ADARB2: variants seen among roughly 807,000 people sequenced by gnomAD.
ADARB2 encodes adenosine deaminase RNA specific B2 (inactive), also known as inactive double-stranded RNA-specific editase B2.
Under a neutral mutation model 62.2 loss-of-function variants are expected in ADARB2, and 25 were observed. The ratio of observed to expected loss-of-function variants is 0.40; its 90% CI spans 0.29 to 0.56. The LOEUF is 0.56. ADARB2 is among the 20% of genes least tolerant of loss of function. The pLI, the probability that ADARB2 is intolerant of heterozygous loss-of-function variation, is 0.43. For synonymous variants in ADARB2, 572 were observed against 500.8 expected, an observed-to-expected ratio of 1.14 and a Z score of -1.90; for missense variants, 1,071 against 1,077.4, an observed-to-expected ratio of 0.99 and a Z score of 0.08.
intron 1 of ADARB2, among the ~76,000 whole-genome samples, chr10:1,544,023 A>C (rs1588295702): frequency 1.4e-5 from 2 of 144,760 alleles, no homozygotes; most frequent in African/African-American, 5.0e-5. Flanking sequence ...ACAAACAAAA[A>C]AAAAAACACA....
At chr10:1,594,151 A>G (rs867241492) in intron 1 of ADARB2, among the ~76,000 whole-genome samples, 30 of 152,096 alleles carry the variant, frequency 2.0e-4, no homozygotes, top group African/African-American at 2.4e-4. Context: ...TTAGCCAGGC[A>G]TGGTGGCGGG....
chr10:1,718,112 AC>A (rs1173814216), intron 1 of ADARB2, among the ~76,000 whole-genome samples: 2 of 152,222 alleles, frequency 1.3e-5, no homozygotes. Context: ...AGGCACAAAC[AC>A]AGCAGCAACA....
At chr10:1,246,992 ATCC>A (rs1302559234) in intron 4 of ADARB2, among the ~76,000 whole-genome samples, 1 of 151,950 alleles carries the variant, frequency 6.6e-6, no homozygotes, top group Non-Finnish European at 1.5e-5. Context: ...ATTTGTTTGT[ATCC>A]TCCTTTATTT....
intron 1 of ADARB2, among the ~76,000 whole-genome samples, chr10:1,636,603 A>G (rs1833919737): frequency 6.6e-6 from 1 of 152,064 alleles, no homozygotes; most frequent in African/African-American, 2.4e-5. Context: ...TCATGCCACC[A>G]GTAATGCCAA....
chr10:1,470,679 A>G (rs1363695001), intron 1 of ADARB2, among the ~76,000 whole-genome samples: 2 of 152,372 alleles, frequency 1.3e-5, no homozygotes, highest in East Asian at 3.9e-4. Context: ...TGATCATTAG[A>G]TGTAAAAATA....
intron 1 of ADARB2, among the ~76,000 whole-genome samples, chr10:1,391,315 G>A (rs898355128): frequency 1.3e-5 from 2 of 152,218 alleles, no homozygotes; most frequent in Non-Finnish European, 1.5e-5. Flanking sequence ...AGGGACCTGT[G>A]CACTAGGGGA....
chr10:1,414,095 G>A (rs1049520684), intron 1 of ADARB2, among the ~76,000 whole-genome samples: 21 of 152,172 alleles, frequency 1.4e-4, no homozygotes, highest in Admixed American at 1.3e-4. Flanking sequence ...CGGCTCAGGG[G>A]GCTGCCCTGC....
chr10:1,240,642 G>C (rs533346813), intron 5 of ADARB2: 1 of 152,322 alleles, frequency 6.6e-6, no homozygotes, highest in East Asian at 1.9e-4. Context: ...TCAGCCACGT[G>C]GCTGCCCTGG....
chr10:1,646,434 T>C (rs1834043257), intron 1 of ADARB2, among the ~76,000 whole-genome samples: 1 of 152,232 alleles, frequency 6.6e-6, no homozygotes, highest in Admixed American at 6.5e-5. Context: ...TCTCATTGAA[T>C]AGGAAGAGAG....
intron 1 of ADARB2, among the ~76,000 whole-genome samples, chr10:1,487,094 G>A (rs1444179598): frequency 6.6e-6 from 1 of 152,254 alleles, no homozygotes; most frequent in East Asian, 1.9e-4. Context: ...ACGCGTGGGT[G>A]CCGTGGGAGC....
At chr10:1,359,623 C>T (rs12253576) in intron 3 of ADARB2, among the ~76,000 whole-genome samples, 10,395 of 152,232 alleles carry the variant, frequency 0.068, 1,164 homozygotes, top group African/African-American at 0.24. Context: ...TCCACCACAA[C>T]GCTCACCCTT....
chr10:1,400,210 C>T (rs1191721502), intron 1 of ADARB2, among the ~76,000 whole-genome samples: 1 of 152,216 alleles, frequency 6.6e-6, no homozygotes, highest in Non-Finnish European at 1.5e-5. Flanking sequence ...GTCTCTCCTG[C>T]GTGGGTCGGC....
intron 3 of ADARB2, among the ~76,000 whole-genome samples, chr10:1,319,525 T>G (rs962983737): frequency 5.3e-5 from 8 of 152,232 alleles, no homozygotes; most frequent in Non-Finnish European, 1.0e-4. Flanking sequence ...ATAATAGCTA[T>G]GGATTAGCAA....
At chr10:1,197,860 T>A (rs370595165) in intron 8 of ADARB2, among the ~76,000 whole-genome samples, 1 of 152,248 alleles carries the variant, frequency 6.6e-6, no homozygotes, top group African/African-American at 2.4e-5. Flanking sequence ...CAGAGAAGCA[T>A]ATATCCTCAG....
At chr10:1,726,471 C>T (rs1001577031) in intron 1 of ADARB2, among the ~76,000 whole-genome samples, 1 of 152,046 alleles carries the variant, frequency 6.6e-6, no homozygotes, top group African/African-American at 2.4e-5. Context: ...ATTGAGTGGA[C>T]GTGGTGCTGC....
chr10:1,700,207 G>A lies in ADARB2; in HGVS notation c.100+36844C>T, dbSNP rs371872701. 4.8e-4 allele frequency among the ~76,000 whole-genome samples: 9 copies of A among 18,694 alleles called. 4 individuals carry two copies. Among genetic ancestry groups the A allele is most frequent in the African/African-American group, 2.8e-4 (2 of 7,168 alleles). 12.3% of individuals were successfully genotyped at this position (18,694 alleles called of 152,430 possible). On this transcript the variant is annotated intron_variant, in intron 1 of 9. Coordinates refer to ENST00000381312, the MANE Select transcript of ADARB2 (RefSeq NM_018702.4). ...CACTCCACCAGGAGACCAGGCGCTC[G>A]CCAATACACGCAATCCCACTCCACC...
chr10:1,347,907 C>T (rs377083029), intron 3 of ADARB2, among the ~76,000 whole-genome samples: 18 of 151,704 alleles, frequency 1.2e-4, no homozygotes, highest in African/African-American at 2.9e-4. Flanking sequence ...GAGAGGGATA[C>T]GGAGACAGAG....
At chr10:1,703,132 A>T (rs1834844200) in intron 1 of ADARB2, among the ~76,000 whole-genome samples, 2 of 152,314 alleles carry the variant, frequency 1.3e-5, no homozygotes, top group East Asian at 3.9e-4. Flanking sequence ...GTGCTACACC[A>T]GGGGCTCATC....
intron 1 of ADARB2, among the ~76,000 whole-genome samples, chr10:1,611,513 T>G (rs1398364906): frequency 6.6e-6 from 1 of 152,062 alleles, no homozygotes; most frequent in Non-Finnish European, 1.5e-5. Context: ...CCCCAAATGC[T>G]GGGGAGGTGG....
Sources: gnomAD v4.1 joint callset for allele counts (sites outside exome capture counted in the v4.1 genomes callset) on GRCh38, gnomAD v4.1.1 for gene constraint, MANE v1.5 for transcripts, NCBI Gene and HGNC (gene_info 2026-07-23, HGNC 2026-07-21) for gene names.